Variants in ADGRL2 observed in about 807,000 individuals in gnomAD.
The protein encoded by ADGRL2 is adhesion G protein-coupled receptor L2.
ADGRL2 carries 44 observed loss-of-function variants against 157.4 expected under a neutral mutation model. The ratio of observed to expected loss-of-function variants is 0.28; its 90% CI spans 0.22 to 0.36. The LOEUF (loss-of-function observed/expected upper bound fraction) is 0.36, where lower values mean the gene tolerates loss of function less well. Among genes scored for constraint, ADGRL2 ranks in the 10% least tolerant of loss-of-function variants. ADGRL2 has a pLI of 1.00. For synonymous variants in ADGRL2, 585 were observed against 624.7 expected (o/e 0.94, Z 0.95); for missense variants, 1,510 against 1,768.9 (o/e 0.85, Z 2.63).
intron 1 of ADGRL2, among the ~76,000 whole-genome samples, chr1:81,704,272 G>A (rs372118705): frequency 3.9e-5 from 6 of 152,222 alleles, no homozygotes; most frequent in African/African-American, 1.2e-4. Context: ...TGCTTAATGC[G>A]TCTGGAATTA....
At position 81,366,852 on chromosome 1, in the gene ADGRL2, C is replaced by G. The variant is rs567125294; in HGVS notation, c.-302+60343C>G. On this transcript the variant is annotated intron_variant, in intron 1 of 24. Coordinates refer to the ADGRL2 transcript ENST00000370721. ...CTCTTCGTTTTCCTGCTTCTTTGATCATTTCTACCTCTCCTCTTCTCCTGT... is the reference window on the plus strand; with the variant it reads ...CTCTTCGTTTTCCTGCTTCTTTGATGATTTCTACCTCTCCTCTTCTCCTGT... Among the ~76,000 whole-genome samples the G allele has an allele frequency of 2.6e-5, 4 of 152,266 alleles. No homozygotes were observed. In the South Asian group the frequency reaches 8.3e-4, roughly 32 times the overall value.
intron 3 of ADGRL2, among the ~76,000 whole-genome samples, chr1:81,666,592 T>C (rs2082754971): frequency 6.6e-6 from 1 of 152,174 alleles, no homozygotes; most frequent in Non-Finnish European, 1.5e-5. Flanking sequence ...AATTTCTCTC[T>C]CTAAGGGGGC....
chr1:81,377,548 G>A lies in ADGRL2; in HGVS notation c.-301-67488G>A, dbSNP rs577909983. Among the ~76,000 whole-genome samples the A allele has an allele frequency of 7.9e-5, 12 of 152,142 alleles. No homozygotes were observed. In the East Asian group the frequency reaches 1.7e-3, roughly 22 times the overall value. On this transcript the variant is annotated intron_variant, in intron 1 of 24. Transcript: ENST00000370721. Reference sequence around the variant, plus strand: ...GGAAAGGTGTTATCCCAGCAGCAACGTAGAGTTAAAAACCCTCAGATTCAT... The same window carrying A: ...GGAAAGGTGTTATCCCAGCAGCAACATAGAGTTAAAAACCCTCAGATTCAT...
intron 3 of ADGRL2, among the ~76,000 whole-genome samples, chr1:81,691,742 G>T (rs1044999018): frequency 6.6e-6 from 1 of 151,508 alleles, no homozygotes; most frequent in East Asian, 2.0e-4. Flanking sequence ...CAGGTGATCC[G>T]CCCACCTCAG....
intron 1 of ADGRL2, among the ~76,000 whole-genome samples, chr1:81,430,504 G>A (rs1307145744): frequency 1.3e-5 from 2 of 152,134 alleles, no homozygotes; most frequent in African/African-American, 2.4e-5. Context: ...TGTGTTTCAG[G>A]AACCTGCTAT....
rs539909608 is a variant in ADGRL2 at position 81,671,673 on chromosome 1, C to T, written c.-142-90138C>T. Among the ~76,000 whole-genome samples the T allele has an allele frequency of 2.4e-3, 362 of 152,190 alleles. 2 individuals carry two copies. Among genetic ancestry groups the T allele is most frequent in the African/African-American group, 8.2e-3 (341 of 41,534 alleles). On this transcript the variant is annotated intron_variant, in intron 3 of 24. Coordinates refer to the ADGRL2 transcript ENST00000370721. ...GATTACAGGCGCCCGCTACCACACCCGGCTAATTTTTGTATTTTTAGTAGA... is the reference window on the plus strand; with the variant it reads ...GATTACAGGCGCCCGCTACCACACCTGGCTAATTTTTGTATTTTTAGTAGA...
At chr1:81,891,523 A>T (rs2094263960) in intron 2 of ADGRL2, among the ~76,000 whole-genome samples, 1 of 152,142 alleles carries the variant, frequency 6.6e-6, no homozygotes, top group Admixed American at 6.5e-5. Flanking sequence ...AGAAAATGTC[A>T]CCATATTTTA....
chr1:81,740,525 G>A (rs1014197274), intron 1 of ADGRL2, among the ~76,000 whole-genome samples: 34 of 152,026 alleles, frequency 2.2e-4, no homozygotes, highest in Admixed American at 6.6e-5. Context: ...AATGCTTTTT[G>A]GCCTGAACAA....
At chr1:81,408,764 A>T (rs898850167) in intron 1 of ADGRL2, among the ~76,000 whole-genome samples, 1 of 152,238 alleles carries the variant, frequency 6.6e-6, no homozygotes, top group African/African-American at 2.4e-5. Flanking sequence ...ATATGAGATC[A>T]TTTTTGATAT....
chr1:81,850,548 A>G (rs1015366337), intron 2 of ADGRL2, among the ~76,000 whole-genome samples: 9 of 151,978 alleles, frequency 5.9e-5, no homozygotes, highest in African/African-American at 2.2e-4. Flanking sequence ...ATGAAGCTAT[A>G]TAACTGCTTC....
intron 2 of ADGRL2, among the ~76,000 whole-genome samples, chr1:81,895,985 T>A (rs1443346943): frequency 6.6e-6 from 1 of 152,184 alleles, no homozygotes; most frequent in African/African-American, 2.4e-5. Context: ...TTTTTGCTTC[T>A]TATTTAATTA....
intron 2 of ADGRL2, among the ~76,000 whole-genome samples, chr1:81,513,250 A>G (rs1368680389): frequency 3.9e-5 from 6 of 152,196 alleles, no homozygotes; most frequent in Admixed American, 1.3e-4. Context: ...GATTTTTGAT[A>G]GATGCTTGGT....
chr1:81,650,859 T>A (rs2148838698), intron 3 of ADGRL2, among the ~76,000 whole-genome samples: 1 of 152,314 alleles, frequency 6.6e-6, no homozygotes, highest in East Asian at 1.9e-4. Context: ...TTTTTAAAAT[T>A]GGCCTTGTGG....
intron 2 of ADGRL2, among the ~76,000 whole-genome samples, chr1:81,766,256 T>C (rs1355359791): frequency 2.6e-4 from 39 of 152,180 alleles, no homozygotes; most frequent in Non-Finnish European, 2.9e-5. Context: ...TGTTATCTGT[T>C]AGTAGCCATT....
At chr1:81,829,663 A>G (rs1457166737) in intron 1 of ADGRL2, among the ~76,000 whole-genome samples, 2 of 152,216 alleles carry the variant, frequency 1.3e-5, no homozygotes, top group Admixed American at 6.5e-5. Flanking sequence ...TAAGATATGA[A>G]TTAGAATAAT....
chr1:81,375,902 A>T (rs905066753), intron 1 of ADGRL2, among the ~76,000 whole-genome samples: 1 of 152,054 alleles, frequency 6.6e-6, no homozygotes, highest in Non-Finnish European at 1.5e-5. Context: ...GCAAGAATAC[A>T]TCCTTTGACA....
intron 14 of ADGRL2, 145 bp downstream of exon 14, chr1:81,968,344 A>T (rs1018201234): frequency 1.5e-6 from 1 of 689,532 alleles, no homozygotes; most frequent in East Asian, 2.8e-5. Context: ...TACACTGTCC[A>T]TAAATTTTAA....
intron 2 of ADGRL2, among the ~76,000 whole-genome samples, chr1:81,558,397 G>A (rs1450402033): frequency 6.6e-6 from 1 of 152,114 alleles, no homozygotes; most frequent in Non-Finnish European, 1.5e-5. Context: ...GAATCAGTAA[G>A]AAATAAACAG....
chr1:81,691,290 A>T (rs2083327362), intron 3 of ADGRL2, among the ~76,000 whole-genome samples: 1 of 151,468 alleles, frequency 6.6e-6, no homozygotes, highest in African/African-American at 2.4e-5. Context: ...TCTGGGACTC[A>T]TCTTTAGTAG....
Sources: allele counts gnomAD v4.1 joint callset (sites outside exome capture counted in the v4.1 genomes callset), GRCh38; gene constraint gnomAD v4.1.1; transcripts MANE v1.5; gene names NCBI Gene and HGNC (gene_info 2026-07-23, HGNC 2026-07-21).